SLC2A10: variants seen among roughly 807,000 people sequenced by gnomAD.
The protein encoded by SLC2A10 is solute carrier family 2, facilitated glucose transporter member 10.
SLC2A10 carries 25 observed loss-of-function variants against 32.1 expected under a neutral mutation model. That is an observed-to-expected ratio of 0.78 (90% confidence interval 0.57 to 1.09). SLC2A10 has a LOEUF of 1.09. Among genes scored for constraint, SLC2A10 ranks in the 50% least tolerant of loss-of-function variants. The pLI is 0.00. For missense variants in SLC2A10, 673 were observed against 686.5 expected (o/e 0.98, Z 0.22); for synonymous variants, 332 against 309.6 (o/e 1.07, Z -0.76).
intron 1 of SLC2A10, 177 bp downstream of exon 1, chr20:46,709,917 G>C (rs1468356456): frequency 3.1e-6 from 2 of 649,542 alleles, no homozygotes. Flanking sequence ...GGCTGGGACG[G>C]GGCTCGGTCG....
In SLC2A10 at chr20:46,726,039, G is replaced by A; in HGVS notation, c.1003G>A (p.Ala335Thr). ...CCCAAGCTGTCTGGCTGTGCCCAAT[G>A]CCACCGGGCAGACAGGCCTCCCTGG... ...SGPSCLAVPNATGQTGLPGDS... is the reference protein window; with the variant it reads ...SGPSCLAVPNTTGQTGLPGDS... Residue 335 changes from alanine (A) to threonine (T), a missense_variant, in exon 2 of 5, where the codon GCC becomes ACC. By Grantham distance (58) the Ala-to-Thr change is moderately conservative (BLOSUM62 0). Coordinates refer to ENST00000359271, the MANE Select transcript of SLC2A10 (RefSeq NM_030777.4). The A allele has an allele frequency of 6.2e-7, 1 of 1,614,094 alleles. No homozygotes were observed. Among genetic ancestry groups the A allele is most frequent in the Non-Finnish European group, 8.5e-7 (1 of 1,180,038 alleles).
chr20:46,727,403 C>A (rs919006946), intron 3 of SLC2A10, among the ~76,000 whole-genome samples: 1 of 152,172 alleles, frequency 6.6e-6, no homozygotes, highest in Non-Finnish European at 1.5e-5. Context: ...TCACTGCAAC[C>A]TCCACCTCCC....
chr20:46,723,542 T>C (rs1368729384), intron 1 of SLC2A10, among the ~76,000 whole-genome samples: 1 of 152,206 alleles, frequency 6.6e-6, no homozygotes, highest in African/African-American at 2.4e-5. Flanking sequence ...TAAAAATAGA[T>C]GACCGATTTG....
At chr20:46,728,604 G>GTTTTTTTTTT (rs778644499) in intron 3 of SLC2A10, among the ~76,000 whole-genome samples, 1 of 101,352 alleles carries the variant, frequency 9.9e-6, no homozygotes, top group East Asian at 2.9e-4. Flanking sequence ...TTCTGGGTGT[G>GTTTTTTTTTT]TTTTTTTTTT....
At chr20:46,728,013 C>T (rs1568987686) in intron 3 of SLC2A10, among the ~76,000 whole-genome samples, 1 of 152,104 alleles carries the variant, frequency 6.6e-6, no homozygotes, top group Non-Finnish European at 1.5e-5. Flanking sequence ...CTTCTCCCTG[C>T]AGCCTCAGTC....
At chr20:46,729,308 A>G in intron 3 of SLC2A10, 45 bp from the exon 4 acceptor site, 1 of 1,612,120 alleles carries the variant, frequency 6.2e-7, no homozygotes, top group South Asian at 1.1e-5. Flanking sequence ...CTGCGGGGCC[A>G]GAGTGCTTGG....
In SLC2A10 at chr20:46,725,717, C is replaced by A. The variant is rs201625851; in HGVS notation, c.681C>A (p.Asn227Lys). The change falls in exon 2 of 5, where the codon AAC becomes AAA. Residue 227 changes from asparagine (N) to lysine (K), a missense_variant. By Grantham distance (94) the Asn-to-Lys change is moderately conservative. Coordinates refer to ENST00000359271, the MANE Select transcript of SLC2A10 (RefSeq NM_030777.4). ...SFLDLFRARDNMRGRTTVGLG... is the reference protein window; with the variant it reads ...SFLDLFRARDKMRGRTTVGLG... ...TGGACCTCTTCAGGGCACGCGATAA[C>A]ATGCGAGGCCGGACCACAGTGGGCC... 6.2e-7 allele frequency: 1 copy of A among 1,614,176 alleles called. No homozygotes were observed. The highest frequency in any genetic ancestry group is 2.2e-5 in the East Asian group (1 of 44,882).
intron 4 of SLC2A10, 151 bp downstream of exon 4, chr20:46,729,639 T>G (rs1000938677): frequency 3.8e-4 from 96 of 249,658 alleles, no homozygotes; most frequent in African/African-American, 2.4e-3. Flanking sequence ...TTTTTTTTTT[T>G]TTTTTTTTTT....
At chr20:46,713,440 A>C (rs929108194) in intron 1 of SLC2A10, among the ~76,000 whole-genome samples, 4 of 151,792 alleles carry the variant, frequency 2.6e-5, no homozygotes, top group African/African-American at 9.7e-5. Context: ...GAGGGACAGG[A>C]CTTCCCAGGC....
At position 46,724,954 on chromosome 20, in the gene SLC2A10, G is replaced by T. The variant is rs147139737; in HGVS notation, c.5-87G>T. 1.9e-4 allele frequency: 294 copies of T among 1,554,760 alleles called. 1 individual carries two copies. In the African/African-American group the frequency reaches 3.4e-3, roughly 18 times the overall value. On this transcript the variant is annotated intron_variant, in intron 1 of 4. Transcript: ENST00000359271. ...GGAGTAGATGGATGGATAAATGAAG[G>T]TGTTGACAGATGGAGGGAAGGTTGA... is the stretch of plus-strand genomic sequence containing the variant.
At chr20:46,709,440 G>T, upstream of SLC2A10, 1 of 434,568 alleles carries the variant, frequency 2.3e-6, no homozygotes, top group South Asian at 4.5e-5. Flanking sequence ...CAACGAAGGG[G>T]ACCCGGGAGA....
At position 46,725,898 on chromosome 20, in the gene SLC2A10, A is replaced by G; in HGVS notation, c.862A>G (p.Met288Val). ...AVKVAATLTA[M>V]GLVDRAGRRA... ...GAAGGTGGCAGCTACCCTGACCGCC[A>G]TGGGGCTGGTGGACCGTGCAGGCCG... The change falls in exon 2 of 5, where the codon ATG becomes GTG. Residue 288 changes from methionine to valine, a missense_variant. By Grantham distance (21) the Met-to-Val change is conservative (BLOSUM62 1). Coordinates refer to ENST00000359271, the MANE Select transcript of SLC2A10 (RefSeq NM_030777.4). The G allele has an allele frequency of 4.3e-6, 7 of 1,614,142 alleles. No homozygotes were observed. Among genetic ancestry groups the G allele is most frequent in the Non-Finnish European group, 5.9e-6 (7 of 1,180,022 alleles).
intron 1 of SLC2A10, among the ~76,000 whole-genome samples, chr20:46,721,591 T>C (rs1332734001): frequency 1.3e-5 from 2 of 152,204 alleles, no homozygotes; most frequent in African/African-American, 4.8e-5. Context: ...GGTTGGCTCA[T>C]GTAACGAGAG....
chr20:46,719,861 A>G (rs1979452223), intron 1 of SLC2A10, among the ~76,000 whole-genome samples: 1 of 152,224 alleles, frequency 6.6e-6, no homozygotes, highest in Non-Finnish European at 1.5e-5. Flanking sequence ...GCCAGTGAGA[A>G]AGGATTTATT....
chr20:46,715,889 T>C (rs954868321), intron 1 of SLC2A10, among the ~76,000 whole-genome samples: 23 of 152,118 alleles, frequency 1.5e-4, no homozygotes, highest in African/African-American at 5.6e-4. Flanking sequence ...TGGAGTGCAG[T>C]GTCACGATCA....
chr20:46,727,527 G>C (rs1274624388), intron 3 of SLC2A10, among the ~76,000 whole-genome samples: 1 of 152,056 alleles, frequency 6.6e-6, no homozygotes, highest in African/African-American at 2.4e-5. Context: ...CACCAGGTTG[G>C]CCAGGCTGGT....
chr20:46,726,645 T>A lies in SLC2A10; in HGVS notation c.1289-219T>A, dbSNP rs191950324. On this transcript the variant is annotated intron_variant, in intron 2 of 4. Transcript: ENST00000359271. ...ATCATCCCAGTTCGTCCAAGACTGT[T>A]CCCATCTCGGCATTGAAAGTCTCAT... is the stretch of plus-strand genomic sequence containing the variant. 1.6e-4 allele frequency among the ~76,000 whole-genome samples: 24 copies of A among 152,332 alleles called. No individual in the cohort carries two copies. In the East Asian group the frequency reaches 3.5e-3, roughly 22 times the overall value.
intron 1 of SLC2A10, among the ~76,000 whole-genome samples, chr20:46,714,277 C>T (rs1238073509): frequency 1.3e-5 from 2 of 152,162 alleles, no homozygotes; most frequent in Non-Finnish European, 2.9e-5. Flanking sequence ...GGTTCACCCA[C>T]GTGGTATTCA....
intron 1 of SLC2A10, among the ~76,000 whole-genome samples, chr20:46,722,963 C>T (rs1172306518): frequency 6.6e-6 from 1 of 152,212 alleles, no homozygotes; most frequent in Non-Finnish European, 1.5e-5. Flanking sequence ...GACCCTTGTA[C>T]TAGCCTTCCA....
Sources: allele counts gnomAD v4.1 joint callset (sites outside exome capture counted in the v4.1 genomes callset), GRCh38; gene constraint gnomAD v4.1.1; transcripts MANE v1.5; gene names NCBI Gene and HGNC (gene_info 2026-07-23, HGNC 2026-07-21).